The following OR51M1 variants were observed in gnomAD, a reference collection of about 807,000 sequenced individuals.
OR51M1 encodes olfactory receptor family 51 subfamily M member 1.
For missense variants in OR51M1, 509 were observed against 404.4 expected, an observed-to-expected ratio of 1.26 and a Z score of -2.22; for synonymous variants, 199 against 155.1, an observed-to-expected ratio of 1.28 and a Z score of -2.10.
At chr11:5,386,202 G>A (rs2133724183) in intron 2 of OR51M1, among the ~76,000 whole-genome samples, 1 of 152,204 alleles carries the variant, frequency 6.6e-6, no homozygotes, top group African/African-American at 2.4e-5. Context: ...ATAAAAACAA[G>A]AAAAGTATGT....
rs772828706 is a variant in OR51M1 at position 5,390,275 on chromosome 11, C to A, written c.877C>A (p.Leu293Ile). The A allele has an allele frequency of 2.8e-5, 45 of 1,613,862 alleles. No homozygotes were observed. In the Admixed American group the frequency reaches 4.2e-4, roughly 15 times the overall value. ...TCATCTTCTTATGGCCAATGTCTAC[C>A]TTTTTGTGCCTCCCATGCTTAACCC... ...AIHLLMANVY[L>I]FVPPMLNPII... Residue 293 changes from leucine to isoleucine, a missense_variant, in exon 3 of 3, where the codon CTT becomes ATT. By Grantham distance (5) the Leu-to-Ile change is conservative (BLOSUM62 2). Transcript: ENST00000642046.
chr11:5,385,161 G>A (rs1165003067), intron 1 of OR51M1, among the ~76,000 whole-genome samples, 192 bp from the exon 2 acceptor site: 1 of 152,138 alleles, frequency 6.6e-6, no homozygotes, highest in Non-Finnish European at 1.5e-5. Flanking sequence ...TTTTAATTAT[G>A]TTGTAATTAG....
intron 2 of OR51M1, among the ~76,000 whole-genome samples, chr11:5,388,220 A>G (rs1291018591): frequency 6.6e-6 from 1 of 152,114 alleles, no homozygotes; most frequent in Non-Finnish European, 1.5e-5. Flanking sequence ...AAAAAAGTCA[A>G]TCCCTAGAGC....
rs553717766 is a variant in OR51M1, at chr11:5,389,639, A to G, written c.241A>G (p.Thr81Ala). The change falls in exon 3 of 3, where the codon ACT becomes GCT. Residue 81 changes from threonine (T) to alanine (A), a missense_variant. Transcript: ENST00000642046. ...CTATCTACTATCCTTGCTGGCCCTC[A>G]CTGACCTGGGGCTGTGTGTGTCCAC... ...MYYLLSLLAL[T>A]DLGLCVSTLP... is the part of the protein sequence containing the mutation. 22 of 1,613,566 alleles carry G rather than the reference A, an allele frequency of 1.4e-5. No individual in the cohort carries two copies. The Admixed American group carries it at 3.3e-4, about 24-fold the overall frequency.
At chr11:5,387,297 G>A (rs1849709967) in intron 2 of OR51M1, among the ~76,000 whole-genome samples, 1 of 152,066 alleles carries the variant, frequency 6.6e-6, no homozygotes, top group South Asian at 2.1e-4. Flanking sequence ...ATCAATAAAA[G>A]CAGGTATGAT....
chr11:5,390,227 G>C lies in OR51M1; in HGVS notation c.829G>C (p.Gly277Arg). 3 of 1,613,972 alleles carry C rather than the reference G, an allele frequency of 1.9e-6. No individual in the cohort carries two copies. Among genetic ancestry groups the C allele is most frequent in the Non-Finnish European group, 2.5e-6 (3 of 1,179,892 alleles). Residue 277 changes from glycine to arginine, a missense_variant, in exon 3 of 3, where the codon GGG (glycine) becomes CGG (arginine). Coordinates refer to ENST00000642046, the MANE Select transcript of OR51M1 (RefSeq NM_001004756.3). The stretch of plus-strand genomic sequence containing the variant: ...GGGGCTGTCCCTGGTGCACCGTTTT[G>C]GGAAGCATGCCCCACCTGCTATTCA... Reference protein sequence around the residue: ...MMGLSLVHRFGKHAPPAIHLL... With the variant: ...MMGLSLVHRFRKHAPPAIHLL...
At position 5,391,584 on chromosome 11, in the gene OR51M1, T is replaced by C. The variant is rs1447340969; in HGVS notation, c.*1205T>C. 6.6e-6 allele frequency: 1 copy of C among 152,238 alleles called. No homozygotes were observed. The highest frequency in any genetic ancestry group is 1.5e-5 in the Non-Finnish European group (1 of 68,038). The allele number at this position is 152,238 out of a possible 1,614,324, so 9.4% of individuals were successfully genotyped here. A position where few individuals can be genotyped will look rare whatever the true frequency, so the allele number is the denominator to read the frequency against. On this transcript the variant is annotated 3_prime_UTR_variant, in exon 3 of 3. Transcript: ENST00000642046. Reference sequence around the variant, plus strand: ...GGATCCAGAGCTAACAGAAGTTCTCTTCTTGTCTCGAGGAACTCCTCCTCT... The same window carrying C: ...GGATCCAGAGCTAACAGAAGTTCTCCTCTTGTCTCGAGGAACTCCTCCTCT...
chr11:5,390,215 G>C lies in OR51M1; in HGVS notation c.817G>C (p.Val273Leu). 2 of 1,613,966 alleles carry C rather than the reference G, an allele frequency of 1.2e-6. No individual in the cohort carries two copies. The highest frequency in any genetic ancestry group is 1.7e-6 in the Non-Finnish European group (2 of 1,179,888). The stretch of plus-strand genomic sequence containing the variant: ...TGTGCCCATGATGGGGCTGTCCCTG[G>C]TGCACCGTTTTGGGAAGCATGCCCC... ...FFVPMMGLSL[V>L]HRFGKHAPPA... Residue 273 changes from valine (V) to leucine (L), a missense_variant, in exon 3 of 3, where the codon GTG (valine) becomes CTG (leucine). Physicochemically the swap from Val to Leu is conservative, Grantham distance 32. Coordinates refer to ENST00000642046, the MANE Select transcript of OR51M1 (RefSeq NM_001004756.3).
At chr11:5,388,023 G>A (rs1849727361) in intron 2 of OR51M1, among the ~76,000 whole-genome samples, 1 of 151,900 alleles carries the variant, frequency 6.6e-6, no homozygotes, top group South Asian at 2.1e-4. Context: ...AATTACTTTT[G>A]CACCAACCTA....
chr11:5,385,906 TATAC>T (rs1325023806), intron 2 of OR51M1, among the ~76,000 whole-genome samples: 2 of 149,108 alleles, frequency 1.3e-5, no homozygotes, highest in Non-Finnish European at 3.0e-5. Context: ...TATTTAAACT[TATAC>T]ATATGTGTAC....
At chr11:5,384,691 A>C (rs1849658416) in intron 1 of OR51M1, among the ~76,000 whole-genome samples, 1 of 152,202 alleles carries the variant, frequency 6.6e-6, no homozygotes, top group Non-Finnish European at 1.5e-5. Flanking sequence ...ACAGTCATTC[A>C]CTTATTCAAC....
intron 2 of OR51M1, among the ~76,000 whole-genome samples, chr11:5,388,348 G>A (rs1456421241): frequency 6.6e-6 from 1 of 151,630 alleles, no homozygotes; most frequent in Non-Finnish European, 1.5e-5. Context: ...TTAGTGCATA[G>A]TGAACTACAG....
chr11:5,386,576 G>A (rs1849698899), intron 2 of OR51M1, among the ~76,000 whole-genome samples: 1 of 151,928 alleles, frequency 6.6e-6, no homozygotes, highest in Non-Finnish European at 1.5e-5. Flanking sequence ...TCTAATGATA[G>A]GAGCTACTGA....
intron 2 of OR51M1, among the ~76,000 whole-genome samples, chr11:5,386,539 C>T (rs1849698375): frequency 6.6e-6 from 1 of 152,132 alleles, no homozygotes; most frequent in African/African-American, 2.4e-5. Flanking sequence ...ACTATCACCA[C>T]AGATCTTTTA....
At position 5,389,677 on chromosome 11, in the gene OR51M1, T is replaced by C. The variant is rs535884781; in HGVS notation, c.279T>C (p.Thr93=). The C allele has an allele frequency of 6.2e-7, 1 of 1,613,678 alleles. No individual in the cohort carries two copies. Among genetic ancestry groups the C allele is most frequent in the South Asian group, 1.1e-5 (1 of 91,078 alleles). The part of the protein sequence containing the change: ...LGLCVSTLPT[T]MGIFWFNSHS... ...TGTGTGTGTCCACGTTGCCCACCAC[T>C]ATGGGGATCTTCTGGTTTAACTCCC... The change falls in exon 3 of 3, where the codon ACT becomes ACC. Residue 93 remains threonine (T), a synonymous_variant. Transcript: ENST00000642046.
chr11:5,389,966 T>A lies in OR51M1; in HGVS notation c.568T>A (p.Phe190Ile). 1 of 1,611,930 alleles carries A rather than the reference T, an allele frequency of 6.2e-7. No homozygotes were observed. The highest frequency in any genetic ancestry group is 1.1e-5 in the South Asian group (1 of 91,086). ...TGGATCTGTGGTCCTCTCCCACTCATTTTGCCTGCACCAGGAAGTGATACA... is the reference window on the plus strand; with the variant it reads ...TGGATCTGTGGTCCTCTCCCACTCAATTTGCCTGCACCAGGAAGTGATACA... ...YCGSVVLSHS[F>I]CLHQEVIQLA... Residue 190 changes from phenylalanine to isoleucine, a missense_variant, in exon 3 of 3, where the codon TTT (phenylalanine) becomes ATT (isoleucine). Transcript: ENST00000642046.
chr11:5,390,211 C>T lies in OR51M1; in HGVS notation c.813C>T (p.Ser271=), dbSNP rs1364648596. 26 of 1,614,006 alleles carry T rather than the reference C, an allele frequency of 1.6e-5. No individual in the cohort carries two copies. Among genetic ancestry groups the T allele is most frequent in the Non-Finnish European group, 2.1e-5 (25 of 1,179,886 alleles). The change falls in exon 3 of 3, where the codon TCC becomes TCT. Residue 271 remains serine, a synonymous_variant. Transcript: ENST00000642046. ...LVFFVPMMGL[S]LVHRFGKHAP... ...TCTTTGTGCCCATGATGGGGCTGTC[C>T]CTGGTGCACCGTTTTGGGAAGCATG...
At chr11:5,389,243 A>C (rs1422685758) in intron 2 of OR51M1, 141 bp from the exon 3 acceptor site, 1 of 757,220 alleles carries the variant, frequency 1.3e-6, no homozygotes, top group African/African-American at 1.7e-5. Flanking sequence ...AAGAAAGTTC[A>C]ATAAAGTAGT....
Position 5,390,230 on chromosome 11 carries a change from A to C in OR51M1, c.832A>C (p.Lys278Gln), listed in dbSNP as rs1849774489. ...MGLSLVHRFG[K>Q]HAPPAIHLLM... ...GCTGTCCCTGGTGCACCGTTTTGGG[A>C]AGCATGCCCCACCTGCTATTCATCT... Residue 278 changes from lysine to glutamine, a missense_variant, in exon 3 of 3, where the codon AAG becomes CAG. Lys to Gln is a moderately conservative substitution (Grantham distance 53). Transcript: ENST00000642046. The C allele has an allele frequency of 6.2e-7, 1 of 1,613,896 alleles. No homozygotes were observed. Among genetic ancestry groups the C allele is most frequent in the Middle Eastern group, 1.6e-4 (1 of 6,062 alleles).
Sources: gnomAD v4.1 joint callset for allele counts (sites outside exome capture counted in the v4.1 genomes callset) on GRCh38, gnomAD v4.1.1 for gene constraint, MANE v1.5 for transcripts, NCBI Gene and HGNC (gene_info 2026-07-23, HGNC 2026-07-21) for gene names.